The following MTUS2 variants were observed in gnomAD, a reference collection of about 807,000 sequenced individuals.
The protein encoded by MTUS2 is microtubule associated scaffold protein 2.
In MTUS2, 40 loss-of-function variants were observed where a neutral mutation model predicts 114.1. That is an observed-to-expected ratio of 0.35 (90% CI 0.27 to 0.46). The LOEUF (loss-of-function observed/expected upper bound fraction) is 0.46. Ranked by LOEUF, MTUS2 falls within the 20% of genes least tolerant of loss-of-function variation. The pLI, the probability that MTUS2 is intolerant of heterozygous loss-of-function variation, is 1.00. For synonymous variants in MTUS2, 688 were observed against 672.0 expected (o/e 1.02, Z -0.37); for missense variants, 1,679 against 1,705.4 (o/e 0.98, Z 0.27).
intron 8 of MTUS2, among the ~76,000 whole-genome samples, chr13:29,362,593 A>G (rs1261303714): frequency 6.6e-6 from 1 of 152,198 alleles, no homozygotes; most frequent in African/African-American, 2.4e-5. Context: ...AGGCTGAGGC[A>G]GGAGTATTGC....
At chr13:29,345,586 G>C (rs563740366) in intron 7 of MTUS2, among the ~76,000 whole-genome samples, 7 of 151,264 alleles carry the variant, frequency 4.6e-5, no homozygotes, top group Non-Finnish European at 8.8e-5. Context: ...TTTTTAAGTT[G>C]GTATTCACCT....
chr13:28,956,074 C>T (rs1883049830), intron 2 of MTUS2, among the ~76,000 whole-genome samples: 1 of 147,344 alleles, frequency 6.8e-6, no homozygotes, highest in Non-Finnish European at 1.5e-5. Context: ...ATCCTTTCCC[C>T]CAAGTCCCCA....
intron 4 of MTUS2, among the ~76,000 whole-genome samples, chr13:29,042,600 CT>C (rs963325480): frequency 2.6e-5 from 4 of 152,014 alleles, no homozygotes; most frequent in African/African-American, 9.7e-5. Context: ...TGGTCCTGGA[CT>C]TTTTCTTGTT....
intron 2 of MTUS2, among the ~76,000 whole-genome samples, chr13:28,985,099 A>G (rs1884522241): frequency 6.6e-6 from 1 of 152,230 alleles, no homozygotes; most frequent in Non-Finnish European, 1.5e-5. Flanking sequence ...GAGCTGATTC[A>G]TGTGTCAACC....
At chr13:29,473,918 C>T (rs975601642) in intron 9 of MTUS2, among the ~76,000 whole-genome samples, 3 of 152,126 alleles carry the variant, frequency 2.0e-5, no homozygotes, top group African/African-American at 7.2e-5. Flanking sequence ...ATTAAATTAG[C>T]TTACATTAAT....
intron 5 of MTUS2, among the ~76,000 whole-genome samples, chr13:29,176,700 A>T (rs765810649): frequency 1.1e-4 from 16 of 144,976 alleles, no homozygotes; most frequent in Non-Finnish European, 1.9e-4. Context: ...TCATGACTTA[A>T]TCACTTCCCT....
At chr13:28,911,014 T>A (rs1345848325) in intron 2 of MTUS2, among the ~76,000 whole-genome samples, 1 of 151,376 alleles carries the variant, frequency 6.6e-6, no homozygotes, top group Non-Finnish European at 1.5e-5. Context: ...TAGCTGGGAC[T>A]ACAGGCATCT....
intron 5 of MTUS2, among the ~76,000 whole-genome samples, chr13:29,279,418 T>C (rs1898185519): frequency 6.6e-6 from 1 of 152,226 alleles, no homozygotes; most frequent in Non-Finnish European, 1.5e-5. Context: ...AGAACATTTT[T>C]CTGGCTCACA....
chr13:28,904,368 G>A (rs898480422), intron 2 of MTUS2, among the ~76,000 whole-genome samples: 27 of 152,132 alleles, frequency 1.8e-4, no homozygotes, highest in East Asian at 3.9e-4. Context: ...GTTTTCTTCT[G>A]GGGTTTTTAT....
At chr13:29,374,617 G>T (rs907871233) in intron 8 of MTUS2, among the ~76,000 whole-genome samples, 2 of 152,164 alleles carry the variant, frequency 1.3e-5, no homozygotes, top group African/African-American at 4.8e-5. Flanking sequence ...GATGAAATAG[G>T]CCGGGCATGG....
rs1027230396 is a variant in MTUS2, at chr13:28,993,129, T to C, written c.-242-31328T>C. 2.6e-5 allele frequency among the ~76,000 whole-genome samples: 4 copies of C among 152,362 alleles called. No individual in the cohort carries two copies. In the South Asian group the frequency reaches 6.2e-4, roughly 24 times the overall value. On this transcript the variant is annotated intron_variant, in intron 2 of 15. Transcript: ENST00000612955. ...TGTATATATCACATTTGTTTATCCA[T>C]TTATCCATAGGGGGATATTTGGGTT...
At chr13:29,268,283 G>T (rs1464160270) in intron 5 of MTUS2, among the ~76,000 whole-genome samples, 6 of 152,086 alleles carry the variant, frequency 3.9e-5, no homozygotes, top group Non-Finnish European at 5.9e-5. Flanking sequence ...TTTTTGAGAT[G>T]GACAGCGGAT....
intron 1 of MTUS2, among the ~76,000 whole-genome samples, chr13:28,830,132 T>C (rs1874564950): frequency 6.6e-6 from 1 of 152,196 alleles, no homozygotes; most frequent in Non-Finnish European, 1.5e-5. Flanking sequence ...ATAATTAGTC[T>C]GGGAAATAGC....
At chr13:29,069,697 C>G (rs148635314) in intron 4 of MTUS2, among the ~76,000 whole-genome samples, 43 of 152,318 alleles carry the variant, frequency 2.8e-4, no homozygotes, top group African/African-American at 1.0e-3. Context: ...GGAAAAGCAG[C>G]TCTAGCTCAA....
chr13:29,310,236 A>G lies in MTUS2; in HGVS notation c.2807-14377A>G, dbSNP rs140187464. On this transcript the variant is annotated intron_variant, in intron 6 of 15. Transcript: ENST00000612955. ...ACCTATTTTACACAGGAGGAAACAA[A>G]TGCTCAGAGAGTTCAAGTAACCTGC... is the stretch of plus-strand genomic sequence containing the variant. 2.0e-3 allele frequency among the ~76,000 whole-genome samples: 307 copies of G among 152,324 alleles called. 3 individuals carry two copies. The highest frequency in any genetic ancestry group is 6.9e-3 in the African/African-American group (288 of 41,564).
chr13:29,206,485 G>T (rs1200249600), intron 5 of MTUS2, among the ~76,000 whole-genome samples: 1 of 152,132 alleles, frequency 6.6e-6, no homozygotes, highest in East Asian at 1.9e-4. Context: ...CCTTGCCTAA[G>T]CCAATGTCTA....
intron 1 of MTUS2, among the ~76,000 whole-genome samples, chr13:28,823,320 G>A (rs1302946892): frequency 6.6e-6 from 1 of 152,216 alleles, no homozygotes; most frequent in Non-Finnish European, 1.5e-5. Flanking sequence ...GTTCCCATTA[G>A]CAGTTTTTAT....
chr13:29,221,382 G>T (rs1895901696), intron 5 of MTUS2, among the ~76,000 whole-genome samples: 1 of 152,228 alleles, frequency 6.6e-6, no homozygotes, highest in African/African-American at 2.4e-5. Flanking sequence ...CATTTTTGGT[G>T]ATAGTTGTTA....
At chr13:28,966,743 A>AG (rs1259031224) in intron 2 of MTUS2, among the ~76,000 whole-genome samples, 1 of 151,670 alleles carries the variant, frequency 6.6e-6, no homozygotes, top group African/African-American at 2.4e-5. Flanking sequence ...AAAAAAAAAA[A>AG]AAAAACAAAG....
Sources: allele counts gnomAD v4.1 joint callset (sites outside exome capture counted in the v4.1 genomes callset), GRCh38; gene constraint gnomAD v4.1.1; transcripts MANE v1.5; gene names NCBI Gene and HGNC (gene_info 2026-07-23, HGNC 2026-07-21).